SORCS1: variants seen among roughly 807,000 people sequenced by gnomAD.
SORCS1 encodes sortilin related VPS10 domain containing receptor 1.
In SORCS1, 60 loss-of-function variants were observed where a neutral mutation model predicts 146.1. The observed-to-expected ratio is 0.41, with a 90% CI of 0.33 to 0.51. SORCS1 has a LOEUF of 0.51. Ranked by LOEUF, SORCS1 falls within the 20% of genes least tolerant of loss-of-function variation. The pLI is 0.21. For synonymous variants in SORCS1, 637 were observed against 584.0 expected (o/e 1.09, Z -1.31); for missense variants, 1,352 against 1,487.6 (o/e 0.91, Z 1.50).
At chr10:106,971,725 T>C (rs1321356182) in intron 1 of SORCS1, among the ~76,000 whole-genome samples, 2 of 152,222 alleles carry the variant, frequency 1.3e-5, no homozygotes, top group East Asian at 3.8e-4. Context: ...CACAGCTCTG[T>C]GGGATTTTTG....
chr10:106,764,166 A>G (rs995757925), intron 4 of SORCS1, among the ~76,000 whole-genome samples: 2 of 152,254 alleles, frequency 1.3e-5, no homozygotes, highest in Admixed American at 6.5e-5. Context: ...GTATATTTGA[A>G]ACTCCCAAGG....
rs145504188 is a variant in SORCS1 at position 106,709,335 on chromosome 10, T to A, written c.1031A>T (p.His344Leu). Reference protein sequence around the residue: ...LEARTVDGHSHYLTCRMQNCT... With the variant: ...LEARTVDGHSLYLTCRMQNCT... ...GTTCTGCATTCGGCAAGTTAGATAA[T>A]GTGAATCTGAAAAACAAAAACAAAA... The change falls in exon 7 of 26, where the codon CAT becomes CTT. Residue 344 changes from histidine to leucine, a missense_variant. Transcript: ENST00000263054. 1 of 1,611,484 alleles carries A rather than the reference T, an allele frequency of 6.2e-7. No individual in the cohort carries two copies. The highest frequency in any genetic ancestry group is 1.7e-5 in the Admixed American group (1 of 59,824).
chr10:106,609,997 G>A (rs1355674823), intron 22 of SORCS1, among the ~76,000 whole-genome samples: 1 of 152,180 alleles, frequency 6.6e-6, no homozygotes, highest in Admixed American at 6.5e-5. Context: ...GACAGCAGAG[G>A]ACAAAAACCA....
intron 1 of SORCS1, among the ~76,000 whole-genome samples, chr10:107,078,710 C>T (rs1197377828): frequency 6.6e-6 from 1 of 152,178 alleles, no homozygotes; most frequent in Admixed American, 6.5e-5. Context: ...GTGAACTTGA[C>T]TTACCAACAC....
At chr10:106,642,830 T>C (rs1849162352) in intron 18 of SORCS1, among the ~76,000 whole-genome samples, 1 of 152,194 alleles carries the variant, frequency 6.6e-6, no homozygotes, top group Admixed American at 6.5e-5. Context: ...CTGAAATGTT[T>C]TTCCACAAAT....
chr10:106,935,164 TTTA>T, intron 2 of SORCS1, among the ~76,000 whole-genome samples: 1 of 152,270 alleles, frequency 6.6e-6, no homozygotes, highest in Non-Finnish European at 1.5e-5. Flanking sequence ...ATTTAGGTAT[TTTA>T]TAGTTAGCTC....
chr10:106,712,855 C>A (rs1289176527), intron 6 of SORCS1, among the ~76,000 whole-genome samples: 1 of 152,254 alleles, frequency 6.6e-6, no homozygotes, highest in East Asian at 1.9e-4. Flanking sequence ...CTGAAAAATC[C>A]AATATCGGAT....
chr10:106,640,333 C>T (rs1848994300), intron 18 of SORCS1, among the ~76,000 whole-genome samples: 2 of 152,124 alleles, frequency 1.3e-5, no homozygotes. Flanking sequence ...ACACAGTCCT[C>T]ATGTTTTGGA....
intron 1 of SORCS1, among the ~76,000 whole-genome samples, chr10:107,115,166 G>A (rs1024431573): frequency 2.0e-5 from 3 of 151,628 alleles, no homozygotes; most frequent in South Asian, 2.1e-4. Context: ...TTGTTTAAAC[G>A]TCCATATTGC....
chr10:106,953,636 C>T (rs1223299475), intron 2 of SORCS1, among the ~76,000 whole-genome samples: 1 of 152,028 alleles, frequency 6.6e-6, no homozygotes, highest in East Asian at 1.9e-4. Context: ...ACACAAACCT[C>T]GAAGGTATAG....
chr10:106,918,334 T>G lies in SORCS1; in HGVS notation c.626+38179A>C, dbSNP rs373322627. 4.6e-5 allele frequency among the ~76,000 whole-genome samples: 7 copies of G among 152,096 alleles called. No individual in the cohort carries two copies. The South Asian group carries it at 1.5e-3, about 32-fold the overall frequency. The stretch of plus-strand genomic sequence containing the variant: ...TGCCACCACGCCTGGCTAATTTTTT[T>G]GTATTTTTTTAGTAGAGATGGTGTT... On this transcript the variant is annotated intron_variant, in intron 2 of 25. Coordinates refer to ENST00000263054, the MANE Select transcript of SORCS1 (RefSeq NM_052918.5).
chr10:106,993,973 A>ATCGCTTGAGCCTG (rs1368385795), intron 1 of SORCS1, among the ~76,000 whole-genome samples: 1 of 145,386 alleles, frequency 6.9e-6, no homozygotes, highest in African/African-American at 2.5e-5. Flanking sequence ...ACTCGGGAGG[A>ATCGCTTGAGCCTG]TCGCTTGAGC....
intron 2 of SORCS1, among the ~76,000 whole-genome samples, chr10:106,839,720 T>G (rs1000891082): frequency 1.3e-5 from 2 of 152,212 alleles, no homozygotes; most frequent in South Asian, 4.1e-4. Context: ...TTCAGAGCTT[T>G]GAGGGACAAG....
chr10:106,651,821 T>G (rs1564819342), intron 18 of SORCS1, among the ~76,000 whole-genome samples: 1 of 152,164 alleles, frequency 6.6e-6, no homozygotes, highest in African/African-American at 2.4e-5. Flanking sequence ...TTTCAGACAT[T>G]TCAGACAACC....
chr10:107,177,587 A>AGAAT, the SORCS1 span, among the ~76,000 whole-genome samples: 1 of 152,226 alleles, frequency 6.6e-6, no homozygotes, highest in Non-Finnish European at 1.5e-5. Flanking sequence ...AATTGCTAAA[A>AGAAT]TAATTAATTT....
At chr10:106,624,684 T>C (rs1217263480) in intron 19 of SORCS1, among the ~76,000 whole-genome samples, 1 of 152,222 alleles carries the variant, frequency 6.6e-6, no homozygotes, top group Non-Finnish European at 1.5e-5. Context: ...CTAAGAGAAA[T>C]TCAAGACACA....
chr10:107,001,894 T>C (rs987869636), intron 1 of SORCS1, among the ~76,000 whole-genome samples: 1 of 152,254 alleles, frequency 6.6e-6, no homozygotes, highest in African/African-American at 2.4e-5. Context: ...CTGTTATTAT[T>C]GGTTATATGT....
chr10:107,004,514 C>A (rs11193157), intron 1 of SORCS1, among the ~76,000 whole-genome samples: 23,430 of 151,876 alleles, frequency 0.15, 5,569 homozygotes, highest in African/African-American at 0.51. Context: ...ACCACAAGAT[C>A]TCGAGACTTA....
In SORCS1 at chr10:106,733,455, T is replaced by C. The variant is rs375979277; in HGVS notation, c.960-3341A>G. On this transcript the variant is annotated intron_variant, in intron 5 of 25. Coordinates refer to ENST00000263054, the MANE Select transcript of SORCS1 (RefSeq NM_052918.5). ...GAGGCCAATCAATGCTGAATGTCTGTATAAGTGCTGATTTTAACGGTCCTG... is the reference window on the plus strand; with the variant it reads ...GAGGCCAATCAATGCTGAATGTCTGCATAAGTGCTGATTTTAACGGTCCTG... Among the ~76,000 whole-genome samples the C allele has an allele frequency of 1.0e-3, 158 of 152,338 alleles. No homozygotes were observed. In the South Asian group the frequency reaches 0.013, roughly 12 times the overall value.
Sources: allele counts gnomAD v4.1 joint callset (sites outside exome capture counted in the v4.1 genomes callset), GRCh38; gene constraint gnomAD v4.1.1; transcripts MANE v1.5; gene names NCBI Gene and HGNC (gene_info 2026-07-23, HGNC 2026-07-21).